SAMD3: variants seen among roughly 807,000 people sequenced by gnomAD.
The protein encoded by SAMD3 is sterile alpha motif domain containing 3.
Under a neutral mutation model 58.5 loss-of-function variants are expected in SAMD3, and 63 were observed. The observed-to-expected ratio is 1.08, with a 90% CI of 0.88 to 1.33. The LOEUF (loss-of-function observed/expected upper bound fraction) is 1.33, where lower values mean the gene tolerates loss of function less well. Ranked by LOEUF, SAMD3 falls within the 40% of genes most tolerant of loss-of-function variation. SAMD3 has a pLI of 0.00. For synonymous variants in SAMD3, 220 were observed against 210.3 expected (o/e 1.05, Z -0.40); for missense variants, 604 against 608.4 (o/e 0.99, Z 0.08).
intron 2 of SAMD3, among the ~76,000 whole-genome samples, chr6:130,268,483 G>A (rs771542588): frequency 6.6e-6 from 1 of 152,048 alleles, no homozygotes. Context: ...AATGCCCTAG[G>A]CCTTCATATT....
At chr6:130,271,569 G>T (rs1421723427) in intron 2 of SAMD3, among the ~76,000 whole-genome samples, 1 of 151,896 alleles carries the variant, frequency 6.6e-6, no homozygotes, top group African/African-American at 2.4e-5. Flanking sequence ...TATTTTGTTG[G>T]TCATATGTGT....
At chr6:130,217,805 G>A (rs919758103) in intron 1 of SAMD3, among the ~76,000 whole-genome samples, 6 of 152,124 alleles carry the variant, frequency 3.9e-5, no homozygotes, top group South Asian at 2.1e-4. Context: ...AAGTCCAAAA[G>A]CTGAGACAAC....
intron 1 of SAMD3, among the ~76,000 whole-genome samples, chr6:130,347,208 C>T (rs1440300254): frequency 6.6e-6 from 1 of 152,088 alleles, no homozygotes; most frequent in Non-Finnish European, 1.5e-5. Context: ...TCACCAGCAA[C>T]AGAACAAAAC....
chr6:130,168,475 CATTAAGACATCT>C (rs1364977706), intron 8 of SAMD3, among the ~76,000 whole-genome samples: 2 of 152,074 alleles, frequency 1.3e-5, no homozygotes, highest in Non-Finnish European at 2.9e-5. Context: ...CACCTTCTTT[CATTAAGACATCT>C]ACCTTCAATT....
intron 2 of SAMD3, among the ~76,000 whole-genome samples, chr6:130,252,813 G>A (rs1773784629): frequency 6.6e-6 from 1 of 152,142 alleles, no homozygotes; most frequent in Admixed American, 6.5e-5. Flanking sequence ...TGCGCTCTGT[G>A]GAAGGGTTCT....
exon 1 of SAMD3, chr6:130,365,350 C>G: frequency 1.0e-6 from 1 of 985,628 alleles, no homozygotes; most frequent in Non-Finnish European, 1.2e-6. Context: ...GGTTCTCGCC[C>G]CCCCAAGCCG....
At chr6:130,152,966 A>G (rs967099899) in intron 9 of SAMD3, among the ~76,000 whole-genome samples, 3 of 152,112 alleles carry the variant, frequency 2.0e-5, no homozygotes, top group African/African-American at 7.2e-5. Flanking sequence ...TTCATCACTA[A>G]GCCTTTGTAG....
At chr6:130,307,850 A>C (rs551701221) in intron 2 of SAMD3, among the ~76,000 whole-genome samples, 5 of 152,166 alleles carry the variant, frequency 3.3e-5, no homozygotes, top group Non-Finnish European at 7.4e-5. Flanking sequence ...AGAATTTGAG[A>C]CAGTTGTTTT....
chr6:130,257,004 A>G (rs1280094727), intron 2 of SAMD3, among the ~76,000 whole-genome samples: 1 of 152,134 alleles, frequency 6.6e-6, no homozygotes, highest in East Asian at 1.9e-4. Flanking sequence ...TGTGTCCCCA[A>G]CTCCAAATTA....
At chr6:130,310,495 G>A (rs1291996662) in intron 2 of SAMD3, among the ~76,000 whole-genome samples, 3 of 152,176 alleles carry the variant, frequency 2.0e-5, no homozygotes, top group African/African-American at 7.2e-5. Flanking sequence ...AAGAAAGCAA[G>A]GCACAATATA....
chr6:130,365,563 C>G (rs879315163), upstream of SAMD3: 1 of 985,208 alleles, frequency 1.0e-6, no homozygotes. Context: ...GGGAATACTG[C>G]GAGTCGGCTG....
intron 2 of SAMD3, among the ~76,000 whole-genome samples, chr6:130,250,096 A>G (rs1011349662): frequency 6.6e-6 from 1 of 152,218 alleles, no homozygotes; most frequent in Non-Finnish European, 1.5e-5. Context: ...GCTCTGCAAC[A>G]GTTACATACA....
In SAMD3 at chr6:130,146,119, C is replaced by G. The variant is rs753252267; in HGVS notation, c.1086G>C (p.Leu362Phe). 4 of 1,600,224 alleles carry G rather than the reference C, an allele frequency of 2.5e-6. No homozygotes were observed. Among genetic ancestry groups the G allele is most frequent in the Non-Finnish European group, 3.4e-6 (4 of 1,173,132 alleles). The stretch of plus-strand genomic sequence containing the variant: ...TCAGTATATTTTCTGAATAGGATTC[C>G]AAAATGTGCCTTGTTTTCTTATAAA... ...TDIYKKTRHI[L>F]ESYSENILTS... Residue 362 changes from leucine to phenylalanine, a missense_variant, in exon 10 of 12, where the codon TTG becomes TTC. Transcript: ENST00000439090.
At position 130,239,047 on chromosome 6, in the gene SAMD3, T is replaced by A. The variant is rs571654902; in HGVS notation, c.-187-16234A>T. Among the ~76,000 whole-genome samples, 6 of 152,182 alleles carry A rather than the reference T, an allele frequency of 3.9e-5. No homozygotes were observed. The East Asian group carries it at 9.7e-4, about 25-fold the overall frequency. On this transcript the variant is annotated intron_variant, in intron 2 of 13. Coordinates refer to the SAMD3 transcript ENST00000368134. ...GTGCTGGGATTACAGGCGTGAGCCA[T>A]CATCCCTGGCCAGTTTCCCAGATTT...
intron 1 of SAMD3, among the ~76,000 whole-genome samples, chr6:130,330,420 GT>G (rs1272383402): frequency 1.3e-5 from 2 of 152,090 alleles, no homozygotes; most frequent in African/African-American, 4.8e-5. Context: ...ATAATCTAAA[GT>G]TACCAATATC....
chr6:130,185,494 A>G (rs1387537687), intron 5 of SAMD3, among the ~76,000 whole-genome samples: 2 of 151,964 alleles, frequency 1.3e-5, no homozygotes, highest in African/African-American at 2.4e-5. Context: ...ACACCTGGCT[A>G]ATTTTTTGTA....
intron 9 of SAMD3, 37 bp from the exon 10 acceptor site, chr6:130,146,218 C>A: frequency 7.5e-7 from 1 of 1,341,818 alleles, no homozygotes; most frequent in Non-Finnish European, 1.0e-6. Context: ...CATCAGATCA[C>A]AAGAAAAGCT....
At chr6:130,216,270 A>G (rs1795999831) in intron 2 of SAMD3, among the ~76,000 whole-genome samples, 1 of 152,120 alleles carries the variant, frequency 6.6e-6, no homozygotes, top group Non-Finnish European at 1.5e-5. Flanking sequence ...GGGGGGATTG[A>G]AATAAATTTA....
chr6:130,349,500 C>G (rs1777579691), intron 1 of SAMD3, among the ~76,000 whole-genome samples: 3 of 152,098 alleles, frequency 2.0e-5, no homozygotes, highest in Admixed American at 1.3e-4. Flanking sequence ...AATTCCTCAT[C>G]CCTCCCAAGA....
Sources: gnomAD v4.1 joint callset for allele counts (sites outside exome capture counted in the v4.1 genomes callset) on GRCh38, gnomAD v4.1.1 for gene constraint, MANE v1.5 for transcripts, NCBI Gene and HGNC (gene_info 2026-07-23, HGNC 2026-07-21) for gene names.